Variants in PAPOLA observed in about 807,000 individuals in gnomAD.
The protein encoded by PAPOLA is poly(A) polymerase alpha, also known as polynucleotide adenylyltransferase alpha.
A neutral mutation model predicts 100.6 loss-of-function variants in PAPOLA; 15 were observed. That is an observed-to-expected ratio of 0.15 (90% CI 0.10 to 0.23). The LOEUF is 0.23. Among genes scored for constraint, PAPOLA ranks in the 10% least tolerant of loss-of-function variants. The probability of loss-of-function intolerance (pLI) is 1.00; values close to 1 mark genes in which losing one functional copy is unlikely to be tolerated. For missense variants in PAPOLA, 533 were observed against 884.2 expected (o/e 0.60, Z 5.04); for synonymous variants, 293 against 300.0 (o/e 0.98, Z 0.24).
chr14:96,542,191 C>A, intron 12 of PAPOLA, 52 bp from the exon 13 acceptor site: 1 of 1,137,478 alleles, frequency 8.8e-7, no homozygotes, highest in Non-Finnish European at 1.3e-6. Flanking sequence ...GTTTAATATC[C>A]AGCACAAAGC....
At position 96,556,169 on chromosome 14, in the gene PAPOLA, G is replaced by A. The variant is rs751374707; in HGVS notation, c.1766-6G>A. 2.7e-5 allele frequency: 44 copies of A among 1,606,770 alleles called. No homozygotes were observed. The highest frequency in any genetic ancestry group is 1.9e-4 in the South Asian group (17 of 90,918). ...ATTTGTATATACTCATATATTTGCT[G>A]CTTAGGTACATCGAGTGAAAGCATT... On this transcript the variant is annotated splice_region_variant and splice_polypyrimidine_tract_variant and intron_variant, in intron 18 of 21. Transcript: ENST00000216277.
intron 13 of PAPOLA, 144 bp from the exon 14 acceptor site, chr14:96,542,630 G>T (rs747874878): frequency 8.6e-5 from 63 of 728,460 alleles, no homozygotes; most frequent in Non-Finnish European, 1.3e-4. Context: ...TTTCCCCGTT[G>T]TTTGGCAATT....
chr14:96,525,311 A>C lies in PAPOLA; in HGVS notation c.251A>C (p.Asn84Thr). 6.8e-7 allele frequency: 1 copy of C among 1,470,456 alleles called. No homozygotes were observed. The allele number at this position is 1,470,456 out of a possible 1,614,324, so 91.1% of individuals were successfully genotyped here. Residue 84 changes from asparagine to threonine, a missense_variant and splice_region_variant, in exon 4 of 22, where the codon AAT becomes ACT. Transcript: ENST00000216277. ...EWIREISESK[N>T]LPQSVIENVG... is the part of the protein sequence containing the mutation. ...AATAACCATTTTTTGTTTCAACAGAATCTTCCACAATCTGTAATTGAAAAT... is the reference window on the plus strand; with the variant it reads ...AATAACCATTTTTTGTTTCAACAGACTCTTCCACAATCTGTAATTGAAAAT...
chr14:96,519,327 T>C (rs10145194), intron 1 of PAPOLA, among the ~76,000 whole-genome samples: 17,351 of 152,206 alleles, frequency 0.11, 1,065 homozygotes, highest in South Asian at 0.17. Context: ...GTTATTCAAC[T>C]GTTAGTTTAA....
At chr14:96,540,980 C>T (rs942557334) in intron 12 of PAPOLA, among the ~76,000 whole-genome samples, 1 of 152,178 alleles carries the variant, frequency 6.6e-6, no homozygotes, top group African/African-American at 2.4e-5. Flanking sequence ...AGCTCCGCCT[C>T]CTGGGTTCAT....
chr14:96,547,404 T>G (rs1239962543), intron 15 of PAPOLA, among the ~76,000 whole-genome samples: 1 of 152,188 alleles, frequency 6.6e-6, no homozygotes. Context: ...TTAATAAGTT[T>G]GACTTATTTT....
intron 15 of PAPOLA, among the ~76,000 whole-genome samples, chr14:96,544,844 A>G (rs1210572793): frequency 1.3e-5 from 2 of 152,098 alleles, no homozygotes; most frequent in East Asian, 1.9e-4. Context: ...TTTTCCGACT[A>G]TGGGGATTCA....
chr14:96,563,726 A>G (rs2070545696), intron 21 of PAPOLA, among the ~76,000 whole-genome samples: 1 of 152,198 alleles, frequency 6.6e-6, no homozygotes, highest in East Asian at 1.9e-4. Flanking sequence ...CTCTAAAGAT[A>G]TATAAATATT....
chr14:96,544,369 T>C, intron 15 of PAPOLA, 111 bp downstream of exon 15: 1 of 616,220 alleles, frequency 1.6e-6, no homozygotes, highest in South Asian at 2.0e-5. Flanking sequence ...TTGCGAATAT[T>C]GAACTATCAT....
chr14:96,529,028 T>G (rs1435259188), intron 6 of PAPOLA, among the ~76,000 whole-genome samples: 2 of 152,170 alleles, frequency 1.3e-5, no homozygotes, highest in African/African-American at 4.8e-5. Context: ...TGACCTAACT[T>G]TGTAAACTTT....
chr14:96,519,644 A>G (rs1442374406), intron 1 of PAPOLA, among the ~76,000 whole-genome samples: 2 of 152,210 alleles, frequency 1.3e-5, no homozygotes, highest in African/African-American at 2.4e-5. Flanking sequence ...TTATCTATGA[A>G]CTTCGTTCAT....
At chr14:96,515,336 T>A (rs1464309490) in intron 1 of PAPOLA, among the ~76,000 whole-genome samples, 1 of 152,058 alleles carries the variant, frequency 6.6e-6, no homozygotes, top group Non-Finnish European at 1.5e-5. Flanking sequence ...TGGCTGTCTT[T>A]TTGTGGTTTT....
At position 96,521,125 on chromosome 14, in the gene PAPOLA, C is replaced by T. The variant is rs568453532; in HGVS notation, c.249+53C>T. ...AATTTCATATATAGCCAACTGAACA[C>T]AGCAAGTGTCTTATATAACCTGTTC... On this transcript the variant is annotated intron_variant, in intron 3 of 21. Coordinates refer to ENST00000216277, the MANE Select transcript of PAPOLA (RefSeq NM_032632.5). 1.6e-5 allele frequency: 13 copies of T among 830,104 alleles called. 1 individual carries two copies. In the South Asian group the frequency reaches 1.8e-4, roughly 11 times the overall value. The allele number at this position is 830,104 out of a possible 1,614,324, so 51.4% of individuals were successfully genotyped here.
chr14:96,524,669 T>C (rs1898309912), intron 3 of PAPOLA, among the ~76,000 whole-genome samples: 1 of 152,144 alleles, frequency 6.6e-6, no homozygotes, highest in South Asian at 2.1e-4. Flanking sequence ...TATATGTGCA[T>C]GCCACCATGC....
At chr14:96,517,524 G>A (rs1288856130) in intron 1 of PAPOLA, among the ~76,000 whole-genome samples, 5 of 152,000 alleles carry the variant, frequency 3.3e-5, no homozygotes, top group Non-Finnish European at 7.4e-5. Flanking sequence ...CATTAATTAC[G>A]TTCAGTAGTT....
chr14:96,556,247 C>G lies in PAPOLA; in HGVS notation c.1838C>G (p.Ser613Cys), dbSNP rs1901315178. ...TCTCCACCACCAAAGCCTACGGTCT[C>G]CAGAGTTGTTTCTTCAACACGTCTG... The part of the protein sequence containing the change: ...AISPPPKPTV[S>C]RVVSSTRLVN... The change falls in exon 19 of 22, where the codon TCC (serine) becomes TGC (cysteine). Residue 613 changes from serine (S) to cysteine (C), a missense_variant. Ser to Cys is a moderately radical substitution (Grantham distance 112, BLOSUM62 -1). This residue lies in a region of PAPOLA where 242 missense variants were observed against 281.0 expected (regional missense o/e 0.86). Transcript: ENST00000216277. The G allele has an allele frequency of 6.2e-7, 1 of 1,613,984 alleles. No homozygotes were observed. The highest frequency in any genetic ancestry group is 1.7e-5 in the Admixed American group (1 of 59,994).
At chr14:96,542,737 C>T in intron 13 of PAPOLA, 37 bp from the exon 14 acceptor site, 1 of 1,565,664 alleles carries the variant, frequency 6.4e-7, no homozygotes, top group Non-Finnish European at 8.6e-7. Context: ...TTAAGTTAAC[C>T]AAAACTTTTT....
At chr14:96,511,308 C>T (rs903902801) in intron 1 of PAPOLA, among the ~76,000 whole-genome samples, 1 of 152,056 alleles carries the variant, frequency 6.6e-6, no homozygotes, top group African/African-American at 2.4e-5. Context: ...TGCCCGTAAT[C>T]CCAGCACTTT....
chr14:96,534,248 TTGAG>T, intron 9 of PAPOLA: 3 of 1,326,414 alleles, frequency 2.3e-6, no homozygotes, highest in Non-Finnish European at 2.9e-6. Context: ...TTAAAGTTCT[TTGAG>T]TGGCAGAGAA....
Sources: allele counts gnomAD v4.1 joint callset (sites outside exome capture counted in the v4.1 genomes callset), GRCh38; gene constraint gnomAD v4.1.1; regional missense constraint gnomAD v4.1.1; transcripts MANE v1.5; gene names NCBI Gene and HGNC (gene_info 2026-07-23, HGNC 2026-07-21).